Variants in CPE observed in about 807,000 individuals in gnomAD.
CPE encodes the protein carboxypeptidase E, also known as carbocypeptidase E.
Under a neutral mutation model 53.5 loss-of-function variants are expected in CPE, and 17 were observed. The ratio of observed to expected loss-of-function variants is 0.32; its 90% CI spans 0.22 to 0.48. The LOEUF (loss-of-function observed/expected upper bound fraction) is 0.48, where lower values mean the gene tolerates loss of function less well. Ranked by LOEUF, CPE falls within the 20% of genes least tolerant of loss-of-function variation. The probability of loss-of-function intolerance (pLI) is 0.99; values close to 1 mark genes in which losing one functional copy is unlikely to be tolerated. For synonymous variants in CPE, 226 were observed against 228.8 expected, an observed-to-expected ratio of 0.99 and a Z score of 0.11; for missense variants, 524 against 614.7, an observed-to-expected ratio of 0.85 and a Z score of 1.56.
In CPE at chr4:165,448,786, T is replaced by C. The variant is rs537222352; in HGVS notation, c.308-15604T>C. 2.0e-5 allele frequency among the ~76,000 whole-genome samples: 3 copies of C among 151,792 alleles called. 1 individual carries two copies. In the South Asian group the frequency reaches 6.2e-4, roughly 31 times the overall value. On this transcript the variant is annotated intron_variant, in intron 1 of 8. Coordinates refer to ENST00000402744, the MANE Select transcript of CPE (RefSeq NM_001873.4). ...AGTGAATTATTGCATATTCATAAGC[T>C]AGAATGTGGACAGTCAGGGAAGGCC...
intron 7 of CPE, among the ~76,000 whole-genome samples, chr4:165,494,907 C>T (rs1332588653): frequency 1.3e-5 from 2 of 152,128 alleles, no homozygotes; most frequent in Non-Finnish European, 2.9e-5. Context: ...GAAGTGTCTA[C>T]GAAAACCTTG....
intron 1 of CPE, among the ~76,000 whole-genome samples, chr4:165,425,404 G>T (rs1335719975): frequency 6.6e-6 from 1 of 151,944 alleles, no homozygotes; most frequent in Admixed American, 6.6e-5. Context: ...TGAGTCTAAT[G>T]AATTTATAGA....
chr4:165,425,344 A>AC (rs76065524), intron 1 of CPE, among the ~76,000 whole-genome samples: 42,874 of 151,896 alleles, frequency 0.28, 6,118 homozygotes, highest in Middle Eastern at 0.38. Flanking sequence ...TGTTAAAAAA[A>AC]ATTACTATTT....
At chr4:165,415,621 A>G (rs1731107502) in intron 1 of CPE, among the ~76,000 whole-genome samples, 1 of 152,154 alleles carries the variant, frequency 6.6e-6, no homozygotes, top group Non-Finnish European at 1.5e-5. Flanking sequence ...GCTCAAGTGT[A>G]TAATTTAAAT....
At position 165,464,558 on chromosome 4, in the gene CPE, C is replaced by T. The variant is rs1325346311; in HGVS notation, c.476C>T (p.Pro159Leu). 3.1e-6 allele frequency: 5 copies of T among 1,612,664 alleles called. No homozygotes were observed. The highest frequency in any genetic ancestry group is 4.2e-6 in the Non-Finnish European group (5 of 1,179,198). ...ATTCACATCATGCCTTCCCTGAACC[C>T]AGATGGCTTTGAGAAGGCAGCGTCT... Reference protein sequence around the residue: ...TRIHIMPSLNPDGFEKAASQP... With the variant: ...TRIHIMPSLNLDGFEKAASQP... Residue 159 changes from proline to leucine, a missense_variant, in exon 2 of 9, where the codon CCA becomes CTA. Physicochemically the swap from Pro to Leu is moderately conservative, Grantham distance 98. Coordinates refer to ENST00000402744, the MANE Select transcript of CPE (RefSeq NM_001873.4).
intron 1 of CPE, among the ~76,000 whole-genome samples, chr4:165,396,886 C>CA (rs34670477): frequency 0.3 from 37,701 of 124,740 alleles, 5,158 homozygotes; most frequent in East Asian, 0.43. Flanking sequence ...CCTGTCGCCA[C>CA]AAAAAAAAAA....
chr4:165,478,731 T>C (rs1364897692), intron 3 of CPE, among the ~76,000 whole-genome samples: 2 of 152,198 alleles, frequency 1.3e-5, no homozygotes, highest in African/African-American at 4.8e-5. Context: ...TTCTGAACAC[T>C]TTTAGGTGGA....
At chr4:165,414,030 A>G (rs572780253) in intron 1 of CPE, among the ~76,000 whole-genome samples, 5 of 152,216 alleles carry the variant, frequency 3.3e-5, no homozygotes, top group Admixed American at 6.5e-5. Flanking sequence ...CTTATAGCAC[A>G]CTGGGAAAAA....
intron 1 of CPE, among the ~76,000 whole-genome samples, chr4:165,407,697 A>G (rs976470738): frequency 4.0e-5 from 6 of 151,770 alleles, no homozygotes; most frequent in Non-Finnish European, 8.8e-5. Context: ...ACAGGCATCC[A>G]CCACCACACC....
intron 1 of CPE, among the ~76,000 whole-genome samples, chr4:165,390,129 T>G (rs960508528): frequency 6.6e-6 from 1 of 152,204 alleles, no homozygotes; most frequent in African/African-American, 2.4e-5. Context: ...AATTCTGCCT[T>G]CCTTCTAGAA....
chr4:165,405,660 T>C, intron 1 of CPE: 1 of 778,452 alleles, frequency 1.3e-6, no homozygotes, highest in Non-Finnish European at 2.4e-6. Flanking sequence ...GGTATTTGAT[T>C]GTCCATTCCT....
intron 1 of CPE, chr4:165,405,088 G>T: frequency 1.4e-6 from 1 of 731,582 alleles, no homozygotes; most frequent in Non-Finnish European, 2.5e-6. Flanking sequence ...AGTTGCTGAA[G>T]ATGGAATCCC....
At chr4:165,461,166 C>CAAAAAAAAAAA (rs1173022270) in intron 1 of CPE, among the ~76,000 whole-genome samples, 73 of 44,168 alleles carry the variant, frequency 1.7e-3, no homozygotes, top group African/African-American at 2.7e-3. Flanking sequence ...GCCTCTGCCT[C>CAAAAAAAAAAA]AAAAAAAAAA....
chr4:165,430,575 G>A (rs1041033086), intron 1 of CPE, among the ~76,000 whole-genome samples: 4 of 152,072 alleles, frequency 2.6e-5, no homozygotes, highest in African/African-American at 9.7e-5. Context: ...ATAATTGATT[G>A]TTAAAATTGT....
intron 1 of CPE, among the ~76,000 whole-genome samples, chr4:165,398,392 A>T (rs553326411): frequency 6.6e-6 from 1 of 152,298 alleles, no homozygotes; most frequent in East Asian, 1.9e-4. Flanking sequence ...ATATAGGTGT[A>T]TGAATACATA....
At chr4:165,480,653 T>C (rs945199391) in intron 3 of CPE, among the ~76,000 whole-genome samples, 1 of 152,166 alleles carries the variant, frequency 6.6e-6, no homozygotes, top group Non-Finnish European at 1.5e-5. Context: ...AATGGGAGAA[T>C]TGAATGTCTG....
rs1277077827 is a variant in CPE, at chr4:165,464,545, C to T, written c.463C>T (p.Pro155Ser). ...LIHSTRIHIM[P>S]SLNPDGFEKA... ...CCACAGTACCCGCATTCACATCATG[C>T]CTTCCCTGAACCCAGATGGCTTTGA... Residue 155 changes from proline (P) to serine (S), a missense_variant, in exon 2 of 9, where the codon CCT (proline) becomes TCT (serine). Physicochemically the swap from Pro to Ser is moderately conservative, Grantham distance 74. Transcript: ENST00000402744. 6.2e-7 allele frequency: 1 copy of T among 1,613,224 alleles called. No homozygotes were observed. Among genetic ancestry groups the T allele is most frequent in the African/African-American group, 1.3e-5 (1 of 74,882 alleles).
chr4:165,465,814 C>A (rs887089559), intron 2 of CPE, among the ~76,000 whole-genome samples: 1 of 152,050 alleles, frequency 6.6e-6, no homozygotes, highest in African/African-American at 2.4e-5. Flanking sequence ...TCATTTTAAG[C>A]TTCTAATCTT....
chr4:165,485,236 G>T (rs1732488177), intron 5 of CPE, among the ~76,000 whole-genome samples: 1 of 152,100 alleles, frequency 6.6e-6, no homozygotes, highest in Non-Finnish European at 1.5e-5. Flanking sequence ...ACTTTACAGA[G>T]CTCGTATTTT....
Sources: allele counts gnomAD v4.1 joint callset (sites outside exome capture counted in the v4.1 genomes callset), GRCh38; gene constraint gnomAD v4.1.1; transcripts MANE v1.5; gene names NCBI Gene and HGNC (gene_info 2026-07-23, HGNC 2026-07-21).